Variants in DPP6 observed in about 807,000 individuals in gnomAD.
DPP6 encodes the protein A-type potassium channel modulatory protein DPP6.
Under a neutral mutation model 122.6 loss-of-function variants are expected in DPP6, and 69 were observed. The observed-to-expected ratio is 0.56, with a 90% confidence interval of 0.46 to 0.69. The LOEUF is 0.69. DPP6 is among the 30% of genes least tolerant of loss of function. The pLI is 0.00. For missense variants in DPP6, 928 were observed against 1,116.9 expected (o/e 0.83, Z 2.41); for synonymous variants, 418 against 433.1 (o/e 0.97, Z 0.43).
At chr7:153,805,771 A>T in the DPP6 span, among the ~76,000 whole-genome samples, 2 of 152,248 alleles carry the variant, frequency 1.3e-5, no homozygotes, top group South Asian at 2.1e-4. Context: ...CAAACACTGC[A>T]TGTTCTCACT....
At chr7:154,799,291 C>A (rs1798216171) in intron 12 of DPP6, among the ~76,000 whole-genome samples, 2 of 152,146 alleles carry the variant, frequency 1.3e-5, no homozygotes, top group African/African-American at 4.8e-5. Flanking sequence ...TCCCCATGAG[C>A]CAAACAGAAG....
intron 3 of DPP6, among the ~76,000 whole-genome samples, chr7:154,536,739 A>G (rs1419058504): frequency 1.3e-5 from 2 of 152,174 alleles, no homozygotes; most frequent in Non-Finnish European, 2.9e-5. Flanking sequence ...GAATGAGTCA[A>G]CTCATCAGGG....
In DPP6 at chr7:154,794,216, T is replaced by C. The variant is rs1367589087; in HGVS notation, c.1260+14T>C. The C allele has an allele frequency of 1.3e-6, 2 of 1,597,554 alleles. No individual in the cohort carries two copies. Among genetic ancestry groups the C allele is most frequent in the East Asian group, 2.3e-5 (1 of 44,254 alleles). ...GTCTGCACGAAGGTACGCGGGGCTG[T>C]GGGGGTGGAGGGGAGACGGGTGAAG... On this transcript the variant is annotated intron_variant, in intron 11 of 25. Transcript: ENST00000377770.
intron 16 of DPP6, among the ~76,000 whole-genome samples, chr7:154,837,269 G>A (rs904643819): frequency 6.8e-6 from 1 of 147,010 alleles, no homozygotes; most frequent in Non-Finnish European, 1.5e-5. Flanking sequence ...GCACACACAT[G>A]CACACGCATG....
intron 2 of DPP6, among the ~76,000 whole-genome samples, chr7:154,463,411 G>A (rs1821494481): frequency 6.6e-6 from 1 of 151,810 alleles, no homozygotes; most frequent in South Asian, 2.1e-4. Context: ...GTTTCACCGT[G>A]TTAGCCAGGA....
intron 1 of DPP6, among the ~76,000 whole-genome samples, chr7:154,414,939 A>T (rs1176134220): frequency 1.3e-5 from 2 of 152,162 alleles, no homozygotes; most frequent in African/African-American, 4.8e-5. Context: ...TCTGCAGGCC[A>T]CTTGTAGCCA....
chr7:153,988,959 C>G (rs1446046323), intron 1 of DPP6, among the ~76,000 whole-genome samples: 2 of 150,322 alleles, frequency 1.3e-5, no homozygotes, highest in East Asian at 2.0e-4. Flanking sequence ...GGTCATTACA[C>G]GGGGATTTCT....
intron 6 of DPP6, among the ~76,000 whole-genome samples, chr7:154,665,144 G>A (rs1426596547): frequency 2.0e-5 from 3 of 152,000 alleles, no homozygotes; most frequent in Non-Finnish European, 4.4e-5. Flanking sequence ...CCTCAATTTG[G>A]GTTTTTCCCA....
chr7:153,812,531 G>A, the DPP6 span, among the ~76,000 whole-genome samples: 2 of 151,988 alleles, frequency 1.3e-5, no homozygotes. Flanking sequence ...TTTTCTGGGT[G>A]GTGATTTAGT....
chr7:154,657,727 A>G (rs10253259), intron 6 of DPP6, among the ~76,000 whole-genome samples: 215 of 8,758 alleles, frequency 0.025, 38 homozygotes, highest in South Asian at 0.16. Flanking sequence ...TGGAGAGGCT[A>G]CGTGGGAGGA....
chr7:154,848,991 G>C (rs985788755), intron 16 of DPP6, among the ~76,000 whole-genome samples: 6 of 152,220 alleles, frequency 3.9e-5, no homozygotes, highest in Middle Eastern at 3.4e-3. Context: ...GTTTATTTCT[G>C]GGCTCTCTAT....
chr7:154,245,155 G>T (rs1005564238), intron 1 of DPP6, among the ~76,000 whole-genome samples: 1 of 151,372 alleles, frequency 6.6e-6, no homozygotes, highest in African/African-American at 2.4e-5. Context: ...GTTTCAACAT[G>T]TTGGCCAGGC....
At chr7:154,862,565 C>CCTCT (rs1803499916) in intron 17 of DPP6, among the ~76,000 whole-genome samples, 1 of 152,222 alleles carries the variant, frequency 6.6e-6, no homozygotes, top group Admixed American at 6.5e-5. Context: ...GGTGCTTCTT[C>CCTCT]CTCTCTACTA....
chr7:153,977,744 C>A (rs1169272378), intron 1 of DPP6, among the ~76,000 whole-genome samples: 1 of 151,500 alleles, frequency 6.6e-6, no homozygotes, highest in East Asian at 2.0e-4. Flanking sequence ...GTGTGATGTT[C>A]CCCTCACTGT....
intron 5 of DPP6, among the ~76,000 whole-genome samples, chr7:154,599,494 T>A (rs1185380469): frequency 1.3e-4 from 20 of 149,178 alleles, no homozygotes; most frequent in Admixed American, 1.2e-3. Flanking sequence ...TGGACTTCTT[T>A]TTATTATTAT....
At chr7:153,855,247 AGAAAT>A in the DPP6 span, among the ~76,000 whole-genome samples, 2 of 100,402 alleles carry the variant, frequency 2.0e-5, no homozygotes, top group African/African-American at 6.8e-5. Context: ...ATAAAAAAAA[AGAAAT>A]AATAAAAATA....
At chr7:154,409,324 G>A (rs988016026) in intron 1 of DPP6, among the ~76,000 whole-genome samples, 1 of 152,264 alleles carries the variant, frequency 6.6e-6, no homozygotes, top group African/African-American at 2.4e-5. Context: ...AAAGTATAGA[G>A]GGAGAGGCCA....
chr7:154,311,176 C>T (rs1381662811), intron 1 of DPP6, among the ~76,000 whole-genome samples: 1 of 152,094 alleles, frequency 6.6e-6, no homozygotes, highest in Non-Finnish European at 1.5e-5. Flanking sequence ...ACCCCATAGC[C>T]TTAAATCATG....
chr7:154,468,300 G>A (rs1250293970), intron 2 of DPP6, among the ~76,000 whole-genome samples: 1 of 152,242 alleles, frequency 6.6e-6, no homozygotes. Context: ...GTTGCGAAGA[G>A]CTGAAGAGAG....
Sources: allele counts gnomAD v4.1 joint callset (sites outside exome capture counted in the v4.1 genomes callset), GRCh38; gene constraint gnomAD v4.1.1; transcripts MANE v1.5; gene names NCBI Gene and HGNC (gene_info 2026-07-23, HGNC 2026-07-21).